BCL7B: variants seen among roughly 807,000 people sequenced by gnomAD.
BCL7B encodes B-cell CLL/lymphoma 7 protein family member B.
BCL7B carries 11 observed loss-of-function variants against 26.5 expected under a neutral mutation model. The observed-to-expected ratio is 0.42, with a 90% CI of 0.26 to 0.69. The LOEUF (loss-of-function observed/expected upper bound fraction) is 0.69, where lower values mean the gene tolerates loss of function less well. BCL7B is among the 30% of genes least tolerant of loss of function. BCL7B has a pLI of 0.28. For missense variants in BCL7B, 215 were observed against 264.4 expected, an observed-to-expected ratio of 0.81 and a Z score of 1.30; for synonymous variants, 111 against 107.9, an observed-to-expected ratio of 1.03 and a Z score of -0.18.
rs573986540 is a variant in BCL7B at position 73,557,352 on chromosome 7, C to G, written c.92+135G>C. 43 of 1,180,324 alleles carry G rather than the reference C, an allele frequency of 3.6e-5. No individual in the cohort carries two copies. The South Asian group carries it at 1.6e-3, about 43-fold the overall frequency. 73.1% of individuals were successfully genotyped at this position (1,180,324 alleles called of 1,614,324 possible). A position where few individuals can be genotyped will look rare whatever the true frequency, so the allele number is the denominator to read the frequency against. On this transcript the variant is annotated intron_variant, in intron 1 of 5. Coordinates refer to ENST00000223368, the MANE Select transcript of BCL7B (RefSeq NM_001707.4). Reference sequence around the variant, plus strand: ...TCTGACCTCACGCCGACGCCAGCGGCGCCCTCCTCCCGCCTTCTCCCGCAC... The same window carrying G: ...TCTGACCTCACGCCGACGCCAGCGGGGCCCTCCTCCCGCCTTCTCCCGCAC...
intron 1 of BCL7B, among the ~76,000 whole-genome samples, chr7:73,555,808 A>G (rs555893437): frequency 7.8e-4 from 119 of 152,106 alleles, no homozygotes; most frequent in African/African-American, 2.7e-3. Context: ...GTGCCATGGC[A>G]TGATCATAGT....
intron 1 of BCL7B, among the ~76,000 whole-genome samples, chr7:73,555,652 A>C (rs1792334650): frequency 6.6e-6 from 1 of 152,170 alleles, no homozygotes; most frequent in Non-Finnish European, 1.5e-5. Flanking sequence ...AGAGCCAGCC[A>C]AGTGAGGCAG....
chr7:73,552,792 A>G (rs1554584307), intron 1 of BCL7B, among the ~76,000 whole-genome samples: 1 of 152,066 alleles, frequency 6.6e-6, no homozygotes, highest in Non-Finnish European at 1.5e-5. Flanking sequence ...AAAGAAAGAA[A>G]AAAAAAAGGA....
intron 4 of BCL7B, 185 bp from the exon 5 acceptor site, chr7:73,538,198 G>A (rs1377650025): frequency 4.1e-5 from 17 of 414,030 alleles, no homozygotes; most frequent in South Asian, 1.4e-4. Context: ...GGCAAAATAC[G>A]GCTAGACTGC....
intron 2 of BCL7B, among the ~76,000 whole-genome samples, chr7:73,551,656 G>A (rs1375596956): frequency 6.6e-6 from 1 of 152,126 alleles, no homozygotes; most frequent in African/African-American, 2.4e-5. Flanking sequence ...CGCCAGGGCT[G>A]TAGTTTGTCA....
chr7:73,540,829 CAAAAAAA>C (rs56111929), intron 3 of BCL7B, among the ~76,000 whole-genome samples: 1,851 of 50,952 alleles, frequency 0.036, 79 homozygotes, highest in African/African-American at 0.14. Context: ...GACTCTGTCT[CAAAAAAA>C]AAAAAAAAAA....
chr7:73,554,641 T>C (rs1291211921), intron 1 of BCL7B, among the ~76,000 whole-genome samples: 1 of 151,216 alleles, frequency 6.6e-6, no homozygotes, highest in Admixed American at 6.6e-5. Context: ...TCACTAAAAA[T>C]ACAAAAATTA....
At chr7:73,538,815 TAAA>T (rs1159395373) in intron 4 of BCL7B, among the ~76,000 whole-genome samples, 2 of 94,558 alleles carry the variant, frequency 2.1e-5, no homozygotes, top group Admixed American at 2.6e-4. Context: ...CCTATCTCTT[TAAA>T]AAAAAAAAAA....
chr7:73,542,963 C>T (rs1452547672), intron 3 of BCL7B: 7 of 379,210 alleles, frequency 1.8e-5, no homozygotes, highest in Admixed American at 6.1e-5. Flanking sequence ...GCTTCTGATT[C>T]GGACAACCAG....
chr7:73,554,281 G>A (rs1323920809), intron 1 of BCL7B, among the ~76,000 whole-genome samples: 2 of 151,638 alleles, frequency 1.3e-5, no homozygotes, highest in East Asian at 1.9e-4. Context: ...ATTCCAAGAA[G>A]GTTATTCCCT....
intron 2 of BCL7B, among the ~76,000 whole-genome samples, chr7:73,544,158 C>T (rs1256134882): frequency 6.6e-6 from 1 of 152,126 alleles, no homozygotes; most frequent in Non-Finnish European, 1.5e-5. Flanking sequence ...CACTGGTTCA[C>T]GCCTGTAATC....
chr7:73,538,384 A>G (rs1333756992), intron 4 of BCL7B: 1 of 185,860 alleles, frequency 5.4e-6, no homozygotes, highest in Non-Finnish European at 1.1e-5. Flanking sequence ...GCCAAATAGT[A>G]AGAACACAAT....
chr7:73,537,507 C>T, intron 5 of BCL7B, 117 bp from the exon 6 acceptor site: 3 of 728,166 alleles, frequency 4.1e-6, no homozygotes, highest in Non-Finnish European at 7.1e-6. Flanking sequence ...ATCAAACATC[C>T]TCCCCTGCCT....
At chr7:73,545,304 C>T (rs948822654) in intron 2 of BCL7B, among the ~76,000 whole-genome samples, 1 of 152,154 alleles carries the variant, frequency 6.6e-6, no homozygotes, top group Non-Finnish European at 1.5e-5. Context: ...GCTCCACCTC[C>T]CAGGTTCACG....
At position 73,550,664 on chromosome 7, in the gene BCL7B, T is replaced by G. The variant is rs868970872; in HGVS notation, c.168+1503A>C. On this transcript the variant is annotated intron_variant, in intron 2 of 5. Coordinates refer to ENST00000223368, the MANE Select transcript of BCL7B (RefSeq NM_001707.4). ...TTTTTGTTTTTTTTTTGTTTGTTTG[T>G]TTGGTTTTTTTGAGATGGAGTCTCA... Among the ~76,000 whole-genome samples the G allele has an allele frequency of 1.3e-4, 19 of 151,664 alleles. 1 individual carries two copies. The South Asian group carries it at 2.5e-3, about 20-fold the overall frequency.
At chr7:73,544,666 A>G (rs1791891518) in intron 2 of BCL7B, among the ~76,000 whole-genome samples, 1 of 151,744 alleles carries the variant, frequency 6.6e-6, no homozygotes, top group Non-Finnish European at 1.5e-5. Flanking sequence ...CAAAATGATC[A>G]CCCCATGTTT....
In BCL7B at chr7:73,545,780, G is replaced by C. The variant is rs145787131; in HGVS notation, c.169-2136C>G. Among the ~76,000 whole-genome samples the C allele has an allele frequency of 5.9e-5, 9 of 152,240 alleles. No individual in the cohort carries two copies. In the East Asian group the frequency reaches 1.7e-3, roughly 29 times the overall value. ...CCCTGGAGCCAGAGAGGACAGCAGA[G>C]AGCAAAAGGGAGAGGCTGAACCCTG... On this transcript the variant is annotated intron_variant, in intron 2 of 5. Transcript: ENST00000223368.
intron 2 of BCL7B, among the ~76,000 whole-genome samples, chr7:73,551,547 G>A (rs1007827861): frequency 4.0e-5 from 6 of 151,826 alleles, no homozygotes; most frequent in Admixed American, 1.3e-4. Flanking sequence ...CAAGTGATCC[G>A]CCCACCTTGG....
At chr7:73,554,662 G>A (rs1285412884) in intron 1 of BCL7B, among the ~76,000 whole-genome samples, 4 of 151,956 alleles carry the variant, frequency 2.6e-5, no homozygotes, top group African/African-American at 9.7e-5. Context: ...GCCGGGCATG[G>A]TGGCGCACAC....
Sources: gnomAD v4.1 joint callset for allele counts (sites outside exome capture counted in the v4.1 genomes callset) on GRCh38, gnomAD v4.1.1 for gene constraint, MANE v1.5 for transcripts, NCBI Gene and HGNC (gene_info 2026-07-23, HGNC 2026-07-21) for gene names.